Variants in LPCAT3 observed in about 807,000 individuals in gnomAD.
LPCAT3 encodes the protein lysophosphatidylcholine acyltransferase 3.
In LPCAT3, 21 loss-of-function variants were observed where a neutral mutation model predicts 63.4. That is an observed-to-expected ratio of 0.33 (90% CI 0.23 to 0.48). The LOEUF (loss-of-function observed/expected upper bound fraction) is 0.48, where lower values mean the gene tolerates loss of function less well. Ranked by LOEUF, LPCAT3 falls within the 20% of genes least tolerant of loss-of-function variation. The pLI is 0.99. For synonymous variants in LPCAT3, 242 were observed against 227.5 expected, an observed-to-expected ratio of 1.06 and a Z score of -0.58; for missense variants, 451 against 590.6, an observed-to-expected ratio of 0.76 and a Z score of 2.45.
intron 1 of LPCAT3, among the ~76,000 whole-genome samples, chr12:7,005,479 T>C (rs1247464444): frequency 2.0e-5 from 3 of 152,260 alleles, no homozygotes; most frequent in Non-Finnish European, 2.9e-5. Flanking sequence ...TGCTGGGTCA[T>C]ATGGTAACTG....
Position 7,017,049 on chromosome 12 carries a change from G to A in LPCAT3, c.151+1225C>T, listed in dbSNP as rs1416533754. On this transcript the variant is annotated intron_variant, in intron 1 of 12. Transcript: ENST00000261407. This position sits in a 1 kb window ranked among gnomAD's most constrained non-coding sequence, Gnocchi z 4.1. ...CCCTCTGGTGATATTATATATCAGT[G>A]TTTCTACTGAATACTGGATAAACGC... Among the ~76,000 whole-genome samples the A allele has an allele frequency of 6.6e-6, 1 of 152,200 alleles. No homozygotes were observed. The highest frequency in any genetic ancestry group is 2.4e-5 in the African/African-American group (1 of 41,456).
At chr12:7,007,107 G>A (rs1201671048) in intron 1 of LPCAT3, among the ~76,000 whole-genome samples, 1 of 151,916 alleles carries the variant, frequency 6.6e-6, no homozygotes, top group African/African-American at 2.4e-5. Context: ...GCAATGGCGC[G>A]ATCTCGGCTC....
intron 1 of LPCAT3, chr12:7,001,587 G>C: frequency 2.2e-6 from 1 of 448,786 alleles, no homozygotes; most frequent in Admixed American, 2.4e-5. Flanking sequence ...GTGAGGCTGA[G>C]GCAGGCCTGA....
At position 6,978,753 on chromosome 12, in the gene LPCAT3, C is replaced by T. The variant is rs1946437762; in HGVS notation, c.787-64G>A. ...TGACTAGGCAGTTTCTCTCAGCACTCTTCCTTTTCACACTTGTGGCTGGCT... is the reference window on the plus strand; with the variant it reads ...TGACTAGGCAGTTTCTCTCAGCACTTTTCCTTTTCACACTTGTGGCTGGCT... On this transcript the variant is annotated intron_variant, in intron 7 of 12. Transcript: ENST00000261407. The T allele has an allele frequency of 2.5e-6, 4 of 1,592,600 alleles. No homozygotes were observed. The Admixed American group carries it at 5.2e-5, about 21-fold the overall frequency.
Position 6,979,470 on chromosome 12 carries a change from C to A in LPCAT3, c.786+1G>T. On this transcript the variant is annotated splice_donor_variant, in intron 7 of 12. Transcript: ENST00000261407. LOFTEE classifies it high-confidence loss of function. ...CTGCTGCTGCTTTAGTAGACACTCACGTCATAGTCTTCAGTGAGGAGATAG... is the reference window on the plus strand; with the variant it reads ...CTGCTGCTGCTTTAGTAGACACTCAAGTCATAGTCTTCAGTGAGGAGATAG... The A allele has an allele frequency of 6.2e-7, 1 of 1,604,916 alleles. No individual in the cohort carries two copies.
intron 1 of LPCAT3, among the ~76,000 whole-genome samples, chr12:6,986,934 T>C (rs1946533375): frequency 6.6e-6 from 1 of 150,952 alleles, no homozygotes; most frequent in South Asian, 2.1e-4. Flanking sequence ...GCCAACATGG[T>C]GAAACCCCAT....
rs782445575 is a variant in LPCAT3, at chr12:7,018,373, C to G, written c.52G>C (p.Val18Leu). The G allele has an allele frequency of 5.0e-6, 8 of 1,612,240 alleles. No homozygotes were observed. The East Asian group carries it at 1.3e-4, about 27-fold the overall frequency. ...AGCTCCTGGAAACCCGACTGCAGAA[C>G]CCCCGCCAGCGCCACCACAGTCCCC... ...DEGTVVALAG[V>L]LQSGFQELSL... is the part of the protein sequence containing the mutation. Residue 18 changes from valine (V) to leucine (L), a missense_variant, in exon 1 of 13, where the codon GTT (valine) becomes CTT (leucine). This residue lies in a region of LPCAT3 where 133 missense variants were observed against 152.1 expected (regional missense o/e 0.87). Transcript: ENST00000261407. This position sits in a 1 kb window ranked among gnomAD's most constrained non-coding sequence, Gnocchi z 4.9.
chr12:7,009,082 CTT>C (rs1946745446), intron 1 of LPCAT3, among the ~76,000 whole-genome samples: 1 of 152,028 alleles, frequency 6.6e-6, no homozygotes, highest in Non-Finnish European at 1.5e-5. Flanking sequence ...ATACAATGAC[CTT>C]TCTTTTTTTT....
Position 7,017,951 on chromosome 12 carries a change from G to A in LPCAT3, c.151+323C>T, listed in dbSNP as rs1946806449. On this transcript the variant is annotated intron_variant, in intron 1 of 12. Transcript: ENST00000261407. This position sits in a 1 kb window ranked among gnomAD's most constrained non-coding sequence, Gnocchi z 4.1. ...AGAGCAGGACACATGGCCAGACAGT[G>A]GAACTCAACAGAGCGACAAATAAAG... 6.6e-6 allele frequency among the ~76,000 whole-genome samples: 1 copy of A among 152,234 alleles called. No individual in the cohort carries two copies. The highest frequency in any genetic ancestry group is 2.4e-5 in the African/African-American group (1 of 41,472).
intron 1 of LPCAT3, among the ~76,000 whole-genome samples, chr12:7,014,752 G>A (rs1348901271): frequency 3.3e-5 from 5 of 152,086 alleles, no homozygotes; most frequent in East Asian, 1.9e-4. Context: ...AAAATTAGCC[G>A]GGTATGATGG....
chr12:6,999,641 A>G (rs1555156356), intron 1 of LPCAT3, among the ~76,000 whole-genome samples: 1 of 152,226 alleles, frequency 6.6e-6, no homozygotes, highest in East Asian at 1.9e-4. Context: ...AAATGTATAG[A>G]CAGAGAGAAT....
chr12:6,985,861 G>A (rs1946520613), intron 1 of LPCAT3, among the ~76,000 whole-genome samples: 3 of 148,090 alleles, frequency 2.0e-5, no homozygotes, highest in South Asian at 4.4e-4. Flanking sequence ...TGCAACCTCC[G>A]GCCCCTAGGT....
At chr12:7,013,212 G>A (rs1319374825) in intron 1 of LPCAT3, among the ~76,000 whole-genome samples, 1 of 152,212 alleles carries the variant, frequency 6.6e-6, no homozygotes, top group Admixed American at 6.5e-5. Flanking sequence ...GCAGGTAAGC[G>A]TGTGCAAAGG....
rs1319875906 is a variant in LPCAT3, at chr12:6,978,196, TG to T, written c.1040+144del. On this transcript the variant is annotated intron_variant, in intron 9 of 12. Transcript: ENST00000261407. ...GGTTTTTTTGGGAGGGGGGTATAGG[TG>T]GGGGTCAAAGTCAGTGTGAGCGACA... 7 of 824,406 alleles carry T rather than the reference TG, an allele frequency of 8.5e-6. No homozygotes were observed. The East Asian group carries it at 1.1e-4, about 13-fold the overall frequency. The allele number at this position is 824,406 out of a possible 1,614,324, so 51.1% of individuals were successfully genotyped here. A position where few individuals can be genotyped will look rare whatever the true frequency, so the allele number is the denominator to read the frequency against.
intron 5 of LPCAT3, 120 bp from the exon 6 acceptor site, chr12:6,981,302 G>A (rs1946469057): frequency 3.7e-6 from 3 of 816,364 alleles, no homozygotes; most frequent in Admixed American, 2.7e-5. Context: ...CCTTCTCTTT[G>A]GGGGATGACA....
At chr12:7,006,767 T>C in intron 1 of LPCAT3, among the ~76,000 whole-genome samples, 1 of 152,202 alleles carries the variant, frequency 6.6e-6, no homozygotes, top group East Asian at 1.9e-4. Flanking sequence ...AGGAACTTTA[T>C]GTGTACTATT....
At chr12:6,996,124 G>A (rs1946634105) in intron 1 of LPCAT3, among the ~76,000 whole-genome samples, 1 of 151,922 alleles carries the variant, frequency 6.6e-6, no homozygotes, top group Non-Finnish European at 1.5e-5. Context: ...GGGCCCCACT[G>A]TCCTCTGACT....
rs201219868 is a variant in LPCAT3 at position 6,978,511 on chromosome 12, A to G, written c.874-4T>C. On this transcript the variant is annotated splice_region_variant and splice_polypyrimidine_tract_variant and intron_variant, in intron 8 of 12. Coordinates refer to ENST00000261407, the MANE Select transcript of LPCAT3 (RefSeq NM_005768.6). ...CCGTCAAAATGCATACTCCTTCCTG[A>G]GAGGGAATAGCTCAGTTAGGGCTCT... 4 of 1,612,258 alleles carry G rather than the reference A, an allele frequency of 2.5e-6. No homozygotes were observed. Among genetic ancestry groups the G allele is most frequent in the East Asian group, 2.2e-5 (1 of 44,830 alleles).
chr12:6,995,025 C>T (rs1369336084), intron 1 of LPCAT3, among the ~76,000 whole-genome samples: 1 of 152,156 alleles, frequency 6.6e-6, no homozygotes, highest in African/African-American at 2.4e-5. Context: ...ACATTTCCTA[C>T]TTCCTTGCTG....
Sources: allele counts gnomAD v4.1 joint callset (sites outside exome capture counted in the v4.1 genomes callset), GRCh38; gene constraint gnomAD v4.1.1; regional missense constraint gnomAD v4.1.1; non-coding constraint Gnocchi (gnomAD v3.1); transcripts MANE v1.5; gene names NCBI Gene and HGNC (gene_info 2026-07-23, HGNC 2026-07-21).